The following RIMS4 variants were observed in gnomAD, a reference collection of about 807,000 sequenced individuals.
RIMS4 encodes regulating synaptic membrane exocytosis protein 4.
A neutral mutation model predicts 29.0 loss-of-function variants in RIMS4; 9 were observed. The ratio of observed to expected loss-of-function variants is 0.31; its 90% CI spans 0.19 to 0.54. RIMS4 has a LOEUF of 0.54. Among genes scored for constraint, RIMS4 ranks in the 20% least tolerant of loss-of-function variants. The pLI, the probability that RIMS4 is intolerant of heterozygous loss-of-function variation, is 0.94. For synonymous variants in RIMS4, 130 were observed against 152.9 expected (o/e 0.85, Z 1.10); for missense variants, 193 against 365.7 (o/e 0.53, Z 3.85).
intron 2 of RIMS4, among the ~76,000 whole-genome samples, chr20:44,762,013 C>T (rs2066087560): frequency 6.6e-6 from 1 of 152,144 alleles, no homozygotes; most frequent in South Asian, 2.1e-4. Flanking sequence ...TTGTGGAAGA[C>T]AATTTTTCCA....
At chr20:44,786,108 C>A (rs2066207419) in intron 1 of RIMS4, among the ~76,000 whole-genome samples, 1 of 152,218 alleles carries the variant, frequency 6.6e-6, no homozygotes, top group East Asian at 1.9e-4. Flanking sequence ...ACCTGCTGCC[C>A]TACAGCCCCC....
In RIMS4 at chr20:44,758,091, G is replaced by T. The variant is rs548211782; in HGVS notation, c.330C>A (p.Thr110=). ...ACTCACCCATGGGTGTGGTGGCCAGGGTCTGGCGGCCCACAAACTGTGCCG... is the reference window on the plus strand; with the variant it reads ...ACTCACCCATGGGTGTGGTGGCCAGTGTCTGGCGGCCCACAAACTGTGCCG... ...MGPAQFVGRQ[T]LATTPMGDVE... Residue 110 remains threonine, a synonymous_variant, in exon 3 of 6, where the codon ACC becomes ACA. Transcript: ENST00000372851. 3.1e-6 allele frequency: 5 copies of T among 1,611,406 alleles called. No homozygotes were observed. The East Asian group carries it at 1.1e-4, about 36-fold the overall frequency.
intron 1 of RIMS4, among the ~76,000 whole-genome samples, chr20:44,771,968 T>C (rs2066139509): frequency 6.6e-6 from 1 of 152,026 alleles, no homozygotes. Flanking sequence ...AAATAGCCCC[T>C]AGGCAGCAAA....
chr20:44,771,190 G>A (rs2145453942), intron 2 of RIMS4, 85 bp downstream of exon 2: 3 of 1,489,660 alleles, frequency 2.0e-6, no homozygotes, highest in East Asian at 4.8e-5. Context: ...GCTGCCCTAG[G>A]GCTCCCAGAG....
At chr20:44,785,496 C>G (rs572736939) in intron 1 of RIMS4, among the ~76,000 whole-genome samples, 22 of 152,348 alleles carry the variant, frequency 1.4e-4, no homozygotes, top group African/African-American at 1.7e-4. Context: ...CAAGCATGAA[C>G]TACCTACCAT....
intron 1 of RIMS4, among the ~76,000 whole-genome samples, chr20:44,800,728 C>A (rs549108751): frequency 6.6e-6 from 1 of 152,140 alleles, no homozygotes; most frequent in Non-Finnish European, 1.5e-5. Flanking sequence ...AGCCCACCAG[C>A]CTCTCACTCT....
At chr20:44,764,408 G>T (rs1301464594) in intron 2 of RIMS4, among the ~76,000 whole-genome samples, 2 of 152,166 alleles carry the variant, frequency 1.3e-5, no homozygotes, top group Non-Finnish European at 2.9e-5. Flanking sequence ...ACAGAAAAAG[G>T]CAAGAATGCA....
intron 1 of RIMS4, among the ~76,000 whole-genome samples, chr20:44,803,133 AC>A (rs1337591680): frequency 6.6e-6 from 1 of 151,820 alleles, no homozygotes; most frequent in African/African-American, 2.4e-5. Context: ...TGTTTCCCCC[AC>A]CCCAGAATAT....
intron 1 of RIMS4, among the ~76,000 whole-genome samples, chr20:44,793,713 G>T (rs750337655): frequency 1.3e-5 from 2 of 152,172 alleles, no homozygotes; most frequent in Non-Finnish European, 2.9e-5. Context: ...CTGGAGGAGG[G>T]TCAGAGAACA....
In RIMS4 at chr20:44,810,395, C is replaced by G; in HGVS notation, c.-124G>C. 6.2e-6 allele frequency: 1 copy of G among 161,860 alleles called. No individual in the cohort carries two copies. Among genetic ancestry groups the G allele is most frequent in the South Asian group, 1.7e-4 (1 of 5,800 alleles). The allele number at this position is 161,860 out of a possible 1,614,324, so 10.0% of individuals were successfully genotyped here. On this transcript the variant is annotated 5_prime_UTR_variant, in exon 1 of 6. Transcript: ENST00000372851. ...GCGGCGTGGTGGCGGCGGCCCGGGG[C>G]CGGGCCGAGGCTCCGCTGCGGGGCT...
intron 1 of RIMS4, among the ~76,000 whole-genome samples, chr20:44,779,094 C>T (rs566297255): frequency 7.9e-5 from 12 of 152,286 alleles, no homozygotes; most frequent in African/African-American, 2.9e-4. Flanking sequence ...TTTCCATTTC[C>T]CTAGTGTTCT....
intron 1 of RIMS4, among the ~76,000 whole-genome samples, chr20:44,804,939 G>A (rs1471368415): frequency 1.3e-5 from 2 of 152,110 alleles, no homozygotes; most frequent in Non-Finnish European, 2.9e-5. Flanking sequence ...CTGTACAATG[G>A]GGTAAGGCGT....
Position 44,757,699 on chromosome 20 carries a change from G to A in RIMS4, c.422C>T (p.Thr141Ile). The A allele has an allele frequency of 6.2e-7, 1 of 1,614,124 alleles. No homozygotes were observed. The highest frequency in any genetic ancestry group is 8.5e-7 in the Non-Finnish European group (1 of 1,179,996). The change falls in exon 4 of 6, where the codon ACA becomes ATA. Residue 141 changes from threonine to isoleucine, a missense_variant. Physicochemically the swap from Thr to Ile is moderately conservative, Grantham distance 89. Coordinates refer to ENST00000372851, the MANE Select transcript of RIMS4 (RefSeq NM_182970.4). ...EVDIIQARGLTAKPGSKTLPA... is the reference protein window; with the variant it reads ...EVDIIQARGLIAKPGSKTLPA... Reference sequence around the variant, plus strand: ...CAGTGTCTTGGAGCCTGGCTTGGCTGTCAGTCCCCGAGCCTGGATAATGTC... The same window carrying A: ...CAGTGTCTTGGAGCCTGGCTTGGCTATCAGTCCCCGAGCCTGGATAATGTC...
At chr20:44,757,929 G>C in intron 3 of RIMS4, 143 bp downstream of exon 3, 1 of 924,194 alleles carries the variant, frequency 1.1e-6, no homozygotes, top group Non-Finnish European at 1.7e-6. Flanking sequence ...GCTCTGCTGA[G>C]GGCTTGAGAG....
At chr20:44,806,526 C>T (rs1055324345) in intron 1 of RIMS4, among the ~76,000 whole-genome samples, 15 of 152,278 alleles carry the variant, frequency 9.9e-5, no homozygotes, top group African/African-American at 1.4e-4. Context: ...TGTAATGATG[C>T]AATAAGATTA....
chr20:44,766,985 G>A (rs770978302), intron 2 of RIMS4, among the ~76,000 whole-genome samples: 4 of 152,198 alleles, frequency 2.6e-5, no homozygotes, highest in Non-Finnish European at 4.4e-5. Flanking sequence ...ACTTCCTGAG[G>A]AGATAACTCC....
intron 1 of RIMS4, among the ~76,000 whole-genome samples, chr20:44,809,496 T>C (rs2066313503): frequency 6.7e-6 from 1 of 149,360 alleles, no homozygotes; most frequent in Non-Finnish European, 1.5e-5. Context: ...GCACCTGAGG[T>C]CAGGGGCACA....
chr20:44,805,799 G>C (rs545745945), intron 1 of RIMS4, among the ~76,000 whole-genome samples: 1 of 152,154 alleles, frequency 6.6e-6, no homozygotes, highest in South Asian at 2.1e-4. Flanking sequence ...ACTCCAGTGA[G>C]GTCATTCCAG....
chr20:44,787,294 G>A (rs1039197629), intron 1 of RIMS4, among the ~76,000 whole-genome samples: 1 of 152,096 alleles, frequency 6.6e-6, no homozygotes, highest in Non-Finnish European at 1.5e-5. Flanking sequence ...ACAATTGATG[G>A]AAGAGATGGT....
Sources: allele counts gnomAD v4.1 joint callset (sites outside exome capture counted in the v4.1 genomes callset), GRCh38; gene constraint gnomAD v4.1.1; transcripts MANE v1.5; gene names NCBI Gene and HGNC (gene_info 2026-07-23, HGNC 2026-07-21).